PRELID2: variants seen among roughly 807,000 people sequenced by gnomAD.
PRELID2 encodes the protein PRELI domain containing 2, also known as PRELI domain-containing protein 2.
Under a neutral mutation model 28.4 loss-of-function variants are expected in PRELID2, and 25 were observed. That is an observed-to-expected ratio of 0.88 (90% CI 0.64 to 1.23). The LOEUF is 1.23. Among genes scored for constraint, PRELID2 ranks in the 50% most tolerant of loss-of-function variants. The pLI is 0.00. For missense variants in PRELID2, 201 were observed against 214.4 expected, an observed-to-expected ratio of 0.94 and a Z score of 0.39; for synonymous variants, 76 against 71.6, an observed-to-expected ratio of 1.06 and a Z score of -0.31.
chr5:145,271,198 G>C, the PRELID2 span, among the ~76,000 whole-genome samples: 5 of 152,182 alleles, frequency 3.3e-5, no homozygotes, highest in East Asian at 7.7e-4. Flanking sequence ...TGGGGACACA[G>C]AGCCAAACCA....
At position 145,600,434 on chromosome 5, in the gene PRELID2, A is replaced by AAAAAATATAT. The variant is rs1315631607; in HGVS notation, n.71-127120_71-127119insATATATTTTT. Among the ~76,000 whole-genome samples the AAAAAATATAT allele has an allele frequency of 2.4e-3, 293 of 120,068 alleles. 4 individuals carry two copies. Among genetic ancestry groups the AAAAAATATAT allele is most frequent in the African/African-American group, 0.01 (252 of 24,526 alleles). The allele number at this position is 120,068 out of a possible 152,430, so 78.8% of individuals were successfully genotyped here. ...TCTCAGGGGGGGAAAAAAAAAAAAA[A>AAAAAATATAT]ATATATATATATATATATATGTATC... On this transcript the variant is annotated intron_variant and non_coding_transcript_variant, in intron 1 of 2. Transcript: ENST00000510259.
chr5:145,677,152 GTT>G (rs756255750), intron 1 of PRELID2, among the ~76,000 whole-genome samples: 46 of 124,018 alleles, frequency 3.7e-4, no homozygotes, highest in African/African-American at 1.2e-3. Context: ...TTTGGTTTTG[GTT>G]TTTTTTTTTT....
chr5:145,803,270 T>C (rs1204285497), intron 4 of PRELID2, among the ~76,000 whole-genome samples: 1 of 152,122 alleles, frequency 6.6e-6, no homozygotes, highest in Admixed American at 6.6e-5. Context: ...GACTATGTAG[T>C]CTCTCCCATG....
Position 145,655,203 on chromosome 5 carries a change from G to C in PRELID2, n.70+109728C>G, listed in dbSNP as rs559947255. 3.3e-5 allele frequency among the ~76,000 whole-genome samples: 5 copies of C among 151,956 alleles called. No homozygotes were observed. In the East Asian group the frequency reaches 9.7e-4, roughly 29 times the overall value. On this transcript the variant is annotated intron_variant and non_coding_transcript_variant, in intron 1 of 2. Coordinates refer to the PRELID2 transcript ENST00000510259. ...AATCCAACTTACAAGGGATGTGAAG[G>C]ACCTCTTCAAGGAGAACTACAAACC...
At chr5:145,601,886 C>T (rs1753403205) in intron 1 of PRELID2, among the ~76,000 whole-genome samples, 1 of 152,086 alleles carries the variant, frequency 6.6e-6, no homozygotes, top group African/African-American at 2.4e-5. Context: ...TAGCAAGTTC[C>T]CACTGCAAGT....
intron 1 of PRELID2, among the ~76,000 whole-genome samples, chr5:145,746,518 C>T (rs1427045356): frequency 6.6e-6 from 1 of 152,108 alleles, no homozygotes; most frequent in Admixed American, 6.5e-5. Flanking sequence ...TACAGGAGCA[C>T]CCAGATTCAT....
intron 1 of PRELID2, among the ~76,000 whole-genome samples, chr5:145,643,845 G>T (rs896213948): frequency 1.3e-5 from 2 of 152,214 alleles, no homozygotes; most frequent in African/African-American, 4.8e-5. Context: ...GACCAGCCTT[G>T]CATCTCAGGG....
At chr5:145,332,115 G>A in the PRELID2 span, among the ~76,000 whole-genome samples, 2 of 152,166 alleles carry the variant, frequency 1.3e-5, no homozygotes, top group African/African-American at 4.8e-5. Context: ...CTGGCTTGTA[G>A]GGTTTCTGCA....
At chr5:145,460,448 C>T in the PRELID2 span, among the ~76,000 whole-genome samples, 3 of 152,126 alleles carry the variant, frequency 2.0e-5, no homozygotes, top group Non-Finnish European at 4.4e-5. Flanking sequence ...GGTTGAAACA[C>T]ACTTATTAAT....
chr5:145,510,429 C>T (rs1014605595), intron 1 of PRELID2, among the ~76,000 whole-genome samples: 1 of 152,214 alleles, frequency 6.6e-6, no homozygotes, highest in African/African-American at 2.4e-5. Flanking sequence ...ATGGAGGGCT[C>T]TTCCTAGCGG....
At chr5:145,740,229 G>A (rs1243937826) in intron 1 of PRELID2, among the ~76,000 whole-genome samples, 1 of 127,648 alleles carries the variant, frequency 7.8e-6, no homozygotes, top group Non-Finnish European at 1.6e-5. Context: ...AAGTACTAGG[G>A]ATAGAGTCAT....
At chr5:145,243,464 T>C in the PRELID2 span, among the ~76,000 whole-genome samples, 12,730 of 152,056 alleles carry the variant, frequency 0.084, 1,163 homozygotes, top group African/African-American at 0.23. Context: ...AGCAAAACAT[T>C]GAAATAGTAA....
At chr5:145,818,375 T>C (rs1373830394) in intron 3 of PRELID2, among the ~76,000 whole-genome samples, 1 of 152,182 alleles carries the variant, frequency 6.6e-6, no homozygotes, top group Non-Finnish European at 1.5e-5. Flanking sequence ...CTTAAATTGA[T>C]GGATTCTAAT....
chr5:145,475,858 T>G (rs1201176422), intron 1 of PRELID2, among the ~76,000 whole-genome samples: 1 of 152,174 alleles, frequency 6.6e-6, no homozygotes. Flanking sequence ...GTGAATAATA[T>G]TTATAAAATA....
chr5:145,571,615 G>T (rs1753015664), intron 1 of PRELID2, among the ~76,000 whole-genome samples: 1 of 152,090 alleles, frequency 6.6e-6, no homozygotes, highest in African/African-American at 2.4e-5. Context: ...TCCCTTTCCA[G>T]ACTTTTCCTT....
At chr5:145,734,895 C>T (rs1756450941) in intron 1 of PRELID2, among the ~76,000 whole-genome samples, 1 of 152,144 alleles carries the variant, frequency 6.6e-6, no homozygotes, top group Non-Finnish European at 1.5e-5. Context: ...TTTAAGGCTC[C>T]TGCTGAATCT....
chr5:145,354,198 G>T, the PRELID2 span, among the ~76,000 whole-genome samples: 5 of 151,416 alleles, frequency 3.3e-5, no homozygotes, highest in East Asian at 9.6e-4. Flanking sequence ...CACATTATTC[G>T]ACGACTTTCC....
At chr5:145,317,371 T>C in the PRELID2 span, among the ~76,000 whole-genome samples, 1 of 152,188 alleles carries the variant, frequency 6.6e-6, no homozygotes, top group Non-Finnish European at 1.5e-5. Context: ...CTCTGGCAGC[T>C]AGAAAGCTGT....
chr5:145,822,239 C>G (rs1561651315), intron 2 of PRELID2, among the ~76,000 whole-genome samples: 1 of 152,168 alleles, frequency 6.6e-6, no homozygotes, highest in Non-Finnish European at 1.5e-5. Context: ...AGTTTAAACA[C>G]TGACACTAAT....
Sources: allele counts gnomAD v4.1 joint callset (sites outside exome capture counted in the v4.1 genomes callset), GRCh38; gene constraint gnomAD v4.1.1; transcripts MANE v1.5; gene names NCBI Gene and HGNC (gene_info 2026-07-23, HGNC 2026-07-21).